Variants in CIAO2A observed in about 807,000 individuals in gnomAD.
CIAO2A encodes the protein cytosolic iron-sulfur assembly component 2A.
Under a neutral mutation model 22.4 loss-of-function variants are expected in CIAO2A, and 17 were observed. The observed-to-expected ratio is 0.76, with a 90% confidence interval of 0.52 to 1.14. CIAO2A has a LOEUF of 1.14. Among genes scored for constraint, CIAO2A ranks in the 50% most tolerant of loss-of-function variants. The probability of loss-of-function intolerance (pLI) is 0.00; values close to 1 mark genes in which losing one functional copy is unlikely to be tolerated. For missense variants in CIAO2A, 192 were observed against 191.4 expected (o/e 1.00, Z -0.02); for synonymous variants, 74 against 72.3 (o/e 1.02, Z -0.12).
chr15:64,088,496 A>AT (rs2080814624), intron 2 of CIAO2A, among the ~76,000 whole-genome samples, 191 bp downstream of exon 2: 1 of 152,330 alleles, frequency 6.6e-6, no homozygotes, highest in Non-Finnish European at 1.5e-5. Context: ...GAAGATAATA[A>AT]TATTTTAACT....
At chr15:64,085,628 T>C (rs1017547310) in intron 2 of CIAO2A, among the ~76,000 whole-genome samples, 7 of 152,240 alleles carry the variant, frequency 4.6e-5, no homozygotes, top group Non-Finnish European at 1.0e-4. Context: ...ATAAGGAAAC[T>C]GGGTCTTGGA....
chr15:64,083,012 G>T (rs1445046582), intron 2 of CIAO2A, among the ~76,000 whole-genome samples: 1 of 150,698 alleles, frequency 6.6e-6, no homozygotes, highest in African/African-American at 2.4e-5. Flanking sequence ...GACCAGCCTG[G>T]GCAACGTAGC....
At chr15:64,080,554 C>T (rs1414204518) in intron 3 of CIAO2A, among the ~76,000 whole-genome samples, 1 of 151,808 alleles carries the variant, frequency 6.6e-6, no homozygotes, top group African/African-American at 2.4e-5. Context: ...TGGTGGTGGG[C>T]ACCTGTAGTC....
In CIAO2A at chr15:64,093,761, C is replaced by A. The variant is rs969052158; in HGVS notation, c.8G>T (p.Arg3Leu). 1.9e-6 allele frequency: 3 copies of A among 1,610,408 alleles called. No homozygotes were observed. The highest frequency in any genetic ancestry group is 1.7e-5 in the Admixed American group (1 of 59,888). ...CGTCCAGGAGAGCAGCCCGGACACC[C>A]GCTGCATCTTCACGCTCAGCCATCC... MQ[R>L]VSGLLSWTLS... is the part of the protein sequence containing the mutation. The change falls in exon 1 of 5, where the codon CGG (arginine) becomes CTG (leucine). Residue 3 changes from arginine to leucine, a missense_variant. Arg to Leu is a moderately radical substitution (Grantham distance 102, BLOSUM62 -2). Transcript: ENST00000300030.
intron 4 of CIAO2A, among the ~76,000 whole-genome samples, chr15:64,073,465 A>T (rs1407872203): frequency 6.6e-6 from 1 of 152,192 alleles, no homozygotes; most frequent in East Asian, 1.9e-4. Flanking sequence ...CAAAAATGGG[A>T]TTATTTTTAA....
intron 1 of CIAO2A, among the ~76,000 whole-genome samples, chr15:64,092,156 ATTC>A (rs1284737528): frequency 6.6e-6 from 1 of 152,100 alleles, no homozygotes; most frequent in East Asian, 1.9e-4. Flanking sequence ...CACTATTAAA[ATTC>A]TTCATTTATA....
chr15:64,083,549 G>A (rs2080771679), intron 2 of CIAO2A, among the ~76,000 whole-genome samples: 1 of 152,172 alleles, frequency 6.6e-6, no homozygotes, highest in Admixed American at 6.5e-5. Context: ...TGCTCTGGAG[G>A]AATATCTGTT....
At chr15:64,076,502 C>T (rs1267612173) in intron 3 of CIAO2A, among the ~76,000 whole-genome samples, 2 of 152,120 alleles carry the variant, frequency 1.3e-5, no homozygotes, top group Non-Finnish European at 2.9e-5. Flanking sequence ...ACATGAGCTA[C>T]CCTCCAAGAC....
At chr15:64,091,095 A>T (rs181284483) in intron 1 of CIAO2A, among the ~76,000 whole-genome samples, 2 of 152,344 alleles carry the variant, frequency 1.3e-5, no homozygotes, top group East Asian at 3.9e-4. Flanking sequence ...TATTTATCAC[A>T]CAAAATTATA....
intron 2 of CIAO2A, among the ~76,000 whole-genome samples, chr15:64,081,971 T>C (rs2080762185): frequency 6.6e-6 from 1 of 152,212 alleles, no homozygotes; most frequent in Non-Finnish European, 1.5e-5. Flanking sequence ...AAGGTACAAA[T>C]ACAGTAACTT....
intron 2 of CIAO2A, among the ~76,000 whole-genome samples, chr15:64,082,315 A>AC (rs1235422301): frequency 6.6e-6 from 1 of 151,964 alleles, no homozygotes; most frequent in Non-Finnish European, 1.5e-5. Context: ...TGCAACCTCT[A>AC]CCTCCTGGGT....
intron 1 of CIAO2A, among the ~76,000 whole-genome samples, chr15:64,093,082 G>A (rs2080855688): frequency 6.6e-6 from 1 of 152,336 alleles, no homozygotes; most frequent in African/African-American, 2.4e-5. Context: ...ATGTGTGTGT[G>A]TGCGTTATGT....
Position 64,072,810 on chromosome 15 carries a change from C to G in CIAO2A, c.*121G>C, listed in dbSNP as rs1428543723. 1.0e-5 allele frequency: 6 copies of G among 591,956 alleles called. No homozygotes were observed. The highest frequency in any genetic ancestry group is 6.2e-5 in the Admixed American group (2 of 32,470). The allele number at this position is 591,956 out of a possible 1,614,324, so 36.7% of individuals were successfully genotyped here. ...TAATTAAATCTCGCTTGGAAAGAAT[C>G]CTTTAAAAAATACTCTGAGGTACAA... On this transcript the variant is annotated 3_prime_UTR_variant, in exon 5 of 5. Transcript: ENST00000300030.
At chr15:64,074,361 G>A (rs1436537246) in intron 4 of CIAO2A, 1 of 152,146 alleles carries the variant, frequency 6.6e-6, no homozygotes, top group Non-Finnish European at 1.5e-5. Context: ...TATCTCAAAG[G>A]CTGAACTGTA....
chr15:64,073,430 A>G (rs1272713512), intron 4 of CIAO2A, among the ~76,000 whole-genome samples: 5 of 152,246 alleles, frequency 3.3e-5, no homozygotes, highest in South Asian at 2.1e-4. Context: ...CTTTAAACAT[A>G]TAGCCTTCTT....
At chr15:64,087,083 GCT>G (rs1491189905) in intron 2 of CIAO2A, among the ~76,000 whole-genome samples, 1 of 80,114 alleles carries the variant, frequency 1.2e-5, no homozygotes, top group African/African-American at 3.5e-5. Flanking sequence ...TGCTAATTTT[GCT>G]TTTTTTTTTT....
Position 64,076,440 on chromosome 15 carries a change from C to A in CIAO2A, c.340-903G>T, listed in dbSNP as rs538084399. On this transcript the variant is annotated intron_variant, in intron 3 of 4. Coordinates refer to ENST00000300030, the MANE Select transcript of CIAO2A (RefSeq NM_032231.7). ...TCATTATTATCATGCTAAATTTATTCTCAAGTATAATACTGGTTAAGCTAT... is the reference window on the plus strand; with the variant it reads ...TCATTATTATCATGCTAAATTTATTATCAAGTATAATACTGGTTAAGCTAT... Among the ~76,000 whole-genome samples the A allele has an allele frequency of 2.0e-5, 3 of 152,198 alleles. No homozygotes were observed. In the South Asian group the frequency reaches 6.2e-4, roughly 32 times the overall value.
intron 3 of CIAO2A, 35 bp downstream of exon 3, chr15:64,081,067 C>T: frequency 6.4e-7 from 1 of 1,552,032 alleles, no homozygotes; most frequent in Non-Finnish European, 8.8e-7. Flanking sequence ...AGCTGTTTTA[C>T]AACAACAACA....
intron 2 of CIAO2A, among the ~76,000 whole-genome samples, chr15:64,086,489 T>C (rs2080795752): frequency 6.6e-6 from 1 of 152,168 alleles, no homozygotes. Context: ...TATGTCAAAA[T>C]ATTTTAAGAC....
Sources: allele counts gnomAD v4.1 joint callset (sites outside exome capture counted in the v4.1 genomes callset), GRCh38; gene constraint gnomAD v4.1.1; transcripts MANE v1.5; gene names NCBI Gene and HGNC (gene_info 2026-07-23, HGNC 2026-07-21).